The following NAALAD2 variants were observed in gnomAD, a reference collection of about 807,000 sequenced individuals.
NAALAD2 encodes N-acetylated alpha-linked acidic dipeptidase 2, also known as N-acetylated-alpha-linked acidic dipeptidase 2.
NAALAD2 carries 89 observed loss-of-function variants against 95.6 expected under a neutral mutation model. The ratio of observed to expected loss-of-function variants is 0.93; its 90% CI spans 0.78 to 1.11. NAALAD2 has a LOEUF of 1.11. NAALAD2 is among the 50% of genes least tolerant of loss of function. The pLI, the probability that NAALAD2 is intolerant of heterozygous loss-of-function variation, is 0.00. For missense variants in NAALAD2, 894 were observed against 872.4 expected, an observed-to-expected ratio of 1.02 and a Z score of -0.31; for synonymous variants, 264 against 294.4, an observed-to-expected ratio of 0.90 and a Z score of 1.06.
Position 90,152,446 on chromosome 11 carries a change from G to A in NAALAD2, c.758G>A (p.Gly253Asp), listed in dbSNP as rs754748604. The change falls in exon 6 of 19, where the codon GGT becomes GAT. Residue 253 changes from glycine (G) to aspartate (D), a missense_variant. Physicochemically the swap from Gly to Asp is moderately conservative, Grantham distance 94 (BLOSUM62 -1). Coordinates refer to ENST00000534061, the MANE Select transcript of NAALAD2 (RefSeq NM_005467.4). ...AGAGGAAATGTGTTAAATTTGAATGGTGCTGGTGACCCACTCACTCCAGGC... is the reference window on the plus strand; with the variant it reads ...AGAGGAAATGTGTTAAATTTGAATGATGCTGGTGACCCACTCACTCCAGGC... ...AQRGNVLNLN[G>D]AGDPLTPGYP... 5.0e-6 allele frequency: 8 copies of A among 1,613,520 alleles called. No homozygotes were observed. Among genetic ancestry groups the A allele is most frequent in the Non-Finnish European group, 6.8e-6 (8 of 1,179,614 alleles).
chr11:90,191,468 T>C (rs1857323900), intron 18 of NAALAD2, 90 bp from the exon 19 acceptor site: 1 of 857,124 alleles, frequency 1.2e-6, no homozygotes, highest in East Asian at 2.8e-5. Flanking sequence ...AAAGTGAGTA[T>C]CACAAGGAAA....
intron 6 of NAALAD2, among the ~76,000 whole-genome samples, chr11:90,155,038 TGTGTG>T (rs1180832374): frequency 1.6e-5 from 2 of 122,808 alleles, no homozygotes; most frequent in African/African-American, 7.5e-5. Flanking sequence ...TATGTATATA[TGTGTG>T]TATATATTAT....
intron 4 of NAALAD2, among the ~76,000 whole-genome samples, chr11:90,149,701 G>A (rs1951838768): frequency 6.6e-6 from 1 of 151,994 alleles, no homozygotes; most frequent in Non-Finnish European, 1.5e-5. Context: ...GCCTCCCAAA[G>A]TGCTGGGATT....
chr11:90,158,171 G>C lies in NAALAD2; in HGVS notation c.823G>C (p.Glu275Gln), dbSNP rs376610638. ...ATACACTTTCAGACTTGATGTTGAAGAAGGAGTGGGAATCCCCCGAATACC... is the reference window on the plus strand; with the variant it reads ...ATACACTTTCAGACTTGATGTTGAACAAGGAGTGGGAATCCCCCGAATACC... ...KEYTFRLDVE[E>Q]GVGIPRIPVH... Residue 275 changes from glutamate to glutamine, a missense_variant, in exon 7 of 19, where the codon GAA becomes CAA. Transcript: ENST00000534061. 16 of 1,608,510 alleles carry C rather than the reference G, an allele frequency of 9.9e-6. No homozygotes were observed. In the Admixed American group the frequency reaches 1.9e-4, roughly 19 times the overall value.
intron 2 of NAALAD2, among the ~76,000 whole-genome samples, chr11:90,145,912 A>C (rs1951740437): frequency 6.6e-6 from 1 of 152,168 alleles, no homozygotes; most frequent in South Asian, 2.1e-4. Context: ...CCTAACCTAA[A>C]AGTGCTTTAG....
chr11:90,154,648 G>A (rs2134879744), intron 6 of NAALAD2, among the ~76,000 whole-genome samples: 1 of 151,550 alleles, frequency 6.6e-6, no homozygotes, highest in Admixed American at 6.6e-5. Flanking sequence ...CTTAGCATGA[G>A]TTGGGAACCA....
At chr11:90,177,586 GTTTTTTTTTTTTTTTTTTTTTTTTTTT>G (rs57694347) in intron 15 of NAALAD2, among the ~76,000 whole-genome samples, 2 of 28,464 alleles carry the variant, frequency 7.0e-5, no homozygotes, top group African/African-American at 1.4e-4. Context: ...TCTTTTTCTT[GTTTTTTTTTTTTTTTTTTTTTTTTTTT>G]TTTTTTTTTT....
chr11:90,159,295 G>A lies in NAALAD2; in HGVS notation c.947G>A (p.Ser316Asn), dbSNP rs140306822. The change falls in exon 8 of 19, where the codon AGT becomes AAT. Residue 316 changes from serine (S) to asparagine (N), a missense_variant. Transcript: ENST00000534061. ...DKSWKGALNV[S>N]YSIGPGFTGS... ...AGTTGGAAGGGAGCCCTTAATGTGAGTTATAGTATCGGACCTGGCTTTACA... is the reference window on the plus strand; with the variant it reads ...AGTTGGAAGGGAGCCCTTAATGTGAATTATAGTATCGGACCTGGCTTTACA... 1.9e-6 allele frequency: 3 copies of A among 1,613,744 alleles called. No homozygotes were observed. The highest frequency in any genetic ancestry group is 1.3e-5 in the African/African-American group (1 of 74,914).
chr11:90,141,396 A>G (rs1250414756), intron 2 of NAALAD2, among the ~76,000 whole-genome samples: 1 of 152,098 alleles, frequency 6.6e-6, no homozygotes, highest in Non-Finnish European at 1.5e-5. Context: ...TCTTTCTTTT[A>G]TCAGCATTTT....
At position 90,175,959 on chromosome 11, in the gene NAALAD2, A is replaced by G; in HGVS notation, c.1503-13A>G. The G allele has an allele frequency of 7.4e-7, 1 of 1,345,864 alleles. No individual in the cohort carries two copies. Among genetic ancestry groups the G allele is most frequent in the Non-Finnish European group, 1.0e-6 (1 of 958,962 alleles). The allele number at this position is 1,345,864 out of a possible 1,614,324, so 83.4% of individuals were successfully genotyped here. Reference sequence around the variant, plus strand: ...GTGTGTGTGTGTGTGTGTGGATTGCATTCTACATCTAGAATCAATAAGCTG... The same window carrying G: ...GTGTGTGTGTGTGTGTGTGGATTGCGTTCTACATCTAGAATCAATAAGCTG... On this transcript the variant is annotated splice_polypyrimidine_tract_variant and intron_variant, in intron 14 of 18. Coordinates refer to ENST00000534061, the MANE Select transcript of NAALAD2 (RefSeq NM_005467.4).
intron 6 of NAALAD2, among the ~76,000 whole-genome samples, chr11:90,155,294 G>GTATATATAATGTATATAT (rs1009941997): frequency 2.0e-5 from 2 of 98,242 alleles, no homozygotes; most frequent in African/African-American, 7.1e-5. Context: ...ATGCATATAT[G>GTATATATAATGTATATAT]TATATATAAT....
At chr11:90,168,641 T>C (rs1393437507) in intron 11 of NAALAD2, among the ~76,000 whole-genome samples, 2 of 152,202 alleles carry the variant, frequency 1.3e-5, no homozygotes, top group Non-Finnish European at 2.9e-5. Context: ...ATGCAGGGAA[T>C]CAAGGAACCA....
intron 13 of NAALAD2, 107 bp from the exon 14 acceptor site, chr11:90,173,717 A>G: frequency 1.4e-6 from 1 of 715,420 alleles, no homozygotes; most frequent in Non-Finnish European, 2.3e-6. Flanking sequence ...ATACATGTAC[A>G]TATGTTATTA....
chr11:90,148,489 A>T (rs980929988), intron 3 of NAALAD2, among the ~76,000 whole-genome samples: 1 of 152,136 alleles, frequency 6.6e-6, no homozygotes, highest in African/African-American at 2.4e-5. Flanking sequence ...TTGAATTTTA[A>T]CATGTTGAGT....
chr11:90,165,157 T>G (rs549810647), intron 11 of NAALAD2, among the ~76,000 whole-genome samples: 130 of 152,204 alleles, frequency 8.5e-4, no homozygotes, highest in Non-Finnish European at 1.1e-3. Context: ...GTCTCATCAT[T>G]TTTTACGACT....
Position 90,181,640 on chromosome 11 carries a change from A to C in NAALAD2, c.1879A>C (p.Lys627Gln). 1 of 1,606,742 alleles carries C rather than the reference A, an allele frequency of 6.2e-7. No homozygotes were observed. Among genetic ancestry groups the C allele is most frequent in the Non-Finnish European group, 8.5e-7 (1 of 1,175,896 alleles). ...AAAAGACTCCTTATTTTCTGCTGTG[A>C]AAAACTTCTCAGAGGCTGCTTCAGA... ...VSFDSLFSAV[K>Q]NFSEAASDFH... The change falls in exon 17 of 19, where the codon AAA becomes CAA. Residue 627 changes from lysine to glutamine, a missense_variant. Lys to Gln is a moderately conservative substitution (Grantham distance 53). Transcript: ENST00000534061.
chr11:90,155,704 T>TG (rs1265771922), intron 6 of NAALAD2, among the ~76,000 whole-genome samples: 8 of 42,608 alleles, frequency 1.9e-4, no homozygotes, highest in African/African-American at 6.0e-4. Context: ...TATGTATGTA[T>TG]TATTATTGTA....
Position 90,182,927 on chromosome 11 carries a change from T to G in NAALAD2, c.1952T>G (p.Val651Gly), listed in dbSNP as rs1199900784. 1.2e-6 allele frequency: 2 copies of G among 1,610,140 alleles called. No individual in the cohort carries two copies. The highest frequency in any genetic ancestry group is 1.7e-6 in the Non-Finnish European group (2 of 1,176,908). The change falls in exon 18 of 19, where the codon GTG becomes GGG. Residue 651 changes from valine (V) to glycine (G), a missense_variant. Coordinates refer to ENST00000534061, the MANE Select transcript of NAALAD2 (RefSeq NM_005467.4). ...IQVDLNNPIAVRMMNDQLMLL... is the reference protein window; with the variant it reads ...IQVDLNNPIAGRMMNDQLMLL... ...TGTTCTTCTCGAAGTCCCATTGCAG[T>G]GAGAATGATGAATGACCAACTGATG...
Position 90,162,938 on chromosome 11 carries a change from T to A in NAALAD2, c.990-11T>A, listed in dbSNP as rs1048966498. On this transcript the variant is annotated splice_polypyrimidine_tract_variant and intron_variant, in intron 8 of 18. Transcript: ENST00000534061. ...GCTGTACTAAGTAATTTATTCCTTT[T>A]AAAATTCTAGGAAGGTTAGAATGCA... 7.1e-7 allele frequency: 1 copy of A among 1,415,036 alleles called. No individual in the cohort carries two copies. The highest frequency in any genetic ancestry group is 1.4e-5 in the African/African-American group (1 of 69,386). The allele number at this position is 1,415,036 out of a possible 1,614,324, so 87.7% of individuals were successfully genotyped here.
Sources: allele counts gnomAD v4.1 joint callset (sites outside exome capture counted in the v4.1 genomes callset), GRCh38; gene constraint gnomAD v4.1.1; transcripts MANE v1.5; gene names NCBI Gene and HGNC (gene_info 2026-07-23, HGNC 2026-07-21).